The following MRAP2 variants were observed in gnomAD, a reference collection of about 807,000 sequenced individuals.
MRAP2 encodes melanocortin-2 receptor accessory protein 2.
A neutral mutation model predicts 17.4 loss-of-function variants in MRAP2; 20 were observed. The ratio of observed to expected loss-of-function variants is 1.15; its 90% CI spans 0.81 to 1.67. MRAP2 has a LOEUF of 1.67. MRAP2 is among the 40% of genes most tolerant of loss of function. The pLI is 0.00. For synonymous variants in MRAP2, 96 were observed against 88.4 expected (o/e 1.09, Z -0.48); for missense variants, 238 against 240.0 (o/e 0.99, Z 0.05).
At chr6:84,055,231 T>G in intron 1 of MRAP2, 81 bp from the exon 2 acceptor site, 1 of 1,494,724 alleles carries the variant, frequency 6.7e-7, no homozygotes, top group Non-Finnish European at 9.0e-7. Context: ...AACTCCTGAA[T>G]GCGATCAAGA....
intron 2 of MRAP2, chr6:84,062,038 T>C: frequency 1.0e-6 from 1 of 985,408 alleles, no homozygotes; most frequent in Non-Finnish European, 1.2e-6. Context: ...CAAGAAGTAA[T>C]GAGAGCCTGA....
At chr6:84,096,679 C>T in the MRAP2 span, among the ~76,000 whole-genome samples, 2 of 152,154 alleles carry the variant, frequency 1.3e-5, no homozygotes, top group Admixed American at 1.3e-4. Flanking sequence ...GGAAAAGCCA[C>T]CAAGAATGTC....
chr6:84,121,950 A>G, the MRAP2 span, among the ~76,000 whole-genome samples: 3 of 152,192 alleles, frequency 2.0e-5, no homozygotes, highest in South Asian at 6.2e-4. Flanking sequence ...AGATCAAAGC[A>G]GAACTAAATG....
At chr6:84,126,366 G>C in the MRAP2 span, 1 of 1,563,822 alleles carries the variant, frequency 6.4e-7, no homozygotes, top group Non-Finnish European at 8.6e-7. Context: ...ATGTAAATGT[G>C]ATTTACTTTA....
rs536134305 is a variant in MRAP2 at position 84,050,615 on chromosome 6, T to G, written c.-7-4697T>G. On this transcript the variant is annotated intron_variant, in intron 1 of 3. Coordinates refer to ENST00000257776, the MANE Select transcript of MRAP2 (RefSeq NM_138409.4). ...AGCTTTATCTTTGGTTTCTCAAGTC[T>G]CCTTGCTGGAGGAAAGACAGCGTTA... Among the ~76,000 whole-genome samples the G allele has an allele frequency of 2.0e-5, 3 of 152,278 alleles. No individual in the cohort carries two copies. In the South Asian group the frequency reaches 6.2e-4, roughly 32 times the overall value.
At chr6:84,124,306 A>AAC in the MRAP2 span, 1 of 152,196 alleles carries the variant, frequency 6.6e-6, no homozygotes, top group African/African-American at 2.4e-5. Flanking sequence ...TCATGGAACC[A>AAC]ACCTAAGTAT....
At chr6:84,087,511 A>T (rs1413777806) in intron 3 of MRAP2, among the ~76,000 whole-genome samples, 1 of 152,156 alleles carries the variant, frequency 6.6e-6, no homozygotes, top group Admixed American at 6.5e-5. Flanking sequence ...TTCCTAGGTG[A>T]CATTTTAGTT....
the MRAP2 span, among the ~76,000 whole-genome samples, chr6:84,105,709 T>G: frequency 6.6e-6 from 1 of 152,168 alleles, no homozygotes; most frequent in African/African-American, 2.4e-5. Context: ...CAGCCTGGAT[T>G]AGTCACTCTA....
chr6:84,125,170 G>A, the MRAP2 span: 2 of 1,613,578 alleles, frequency 1.2e-6, no homozygotes, highest in South Asian at 1.1e-5. Context: ...GTCTAGTTCT[G>A]TGCGGAACTT....
intron 2 of MRAP2, among the ~76,000 whole-genome samples, chr6:84,060,057 G>C (rs2099492703): frequency 6.6e-6 from 1 of 152,206 alleles, no homozygotes; most frequent in Non-Finnish European, 1.5e-5. Flanking sequence ...CAGAAGATGA[G>C]GTTGGGGGAA....
the MRAP2 span, among the ~76,000 whole-genome samples, chr6:84,118,547 G>A: frequency 6.6e-6 from 1 of 152,086 alleles, no homozygotes; most frequent in African/African-American, 2.4e-5. Flanking sequence ...CAGTTGTGCT[G>A]CACTGGGGGA....
At chr6:84,036,883 G>C (rs1418543887) in intron 1 of MRAP2, among the ~76,000 whole-genome samples, 1 of 152,098 alleles carries the variant, frequency 6.6e-6, no homozygotes, top group Non-Finnish European at 1.5e-5. Context: ...CCTCCAGCTA[G>C]ACAAAAAAGT....
chr6:84,117,642 G>GGC, the MRAP2 span, among the ~76,000 whole-genome samples: 856 of 140,958 alleles, frequency 6.1e-3, 9 homozygotes, highest in African/African-American at 0.023. Flanking sequence ...TTGGATGTGG[G>GGC]GTGTGTGTCT....
chr6:84,087,086 T>C (rs148539076), intron 3 of MRAP2, among the ~76,000 whole-genome samples: 271 of 152,316 alleles, frequency 1.8e-3, no homozygotes, highest in Middle Eastern at 3.4e-3. Flanking sequence ...AGAAAGTTTA[T>C]TTTGCCAGGG....
intron 1 of MRAP2, among the ~76,000 whole-genome samples, chr6:84,048,030 G>A (rs1341899229): frequency 6.6e-6 from 1 of 152,076 alleles, no homozygotes; most frequent in African/African-American, 2.4e-5. Context: ...TTAGACACTT[G>A]GGTTGTTTTG....
chr6:84,103,278 A>G, the MRAP2 span, among the ~76,000 whole-genome samples: 1 of 152,190 alleles, frequency 6.6e-6, no homozygotes, highest in Admixed American at 6.5e-5. Flanking sequence ...ATGATGGTAG[A>G]TAAAATCTGT....
chr6:84,036,443 G>T (rs2099486003), intron 1 of MRAP2, among the ~76,000 whole-genome samples: 1 of 152,132 alleles, frequency 6.6e-6, no homozygotes, highest in Non-Finnish European at 1.5e-5. Flanking sequence ...AGTGTTAACA[G>T]TTCTTAAAGA....
At chr6:84,106,170 C>T in the MRAP2 span, among the ~76,000 whole-genome samples, 6 of 152,194 alleles carry the variant, frequency 3.9e-5, no homozygotes, top group South Asian at 2.1e-4. Flanking sequence ...CATGGTAAGA[C>T]CAGTGAATTC....
At chr6:84,144,703 C>T in the MRAP2 span, among the ~76,000 whole-genome samples, 1 of 151,992 alleles carries the variant, frequency 6.6e-6, no homozygotes, top group African/African-American at 2.4e-5. Flanking sequence ...TCAAGCAGAA[C>T]AAGAATTAAT....
Sources: allele counts gnomAD v4.1 joint callset (sites outside exome capture counted in the v4.1 genomes callset), GRCh38; gene constraint gnomAD v4.1.1; transcripts MANE v1.5; gene names NCBI Gene and HGNC (gene_info 2026-07-23, HGNC 2026-07-21).